Variants in PRKN observed in about 807,000 individuals in gnomAD.
PRKN encodes the protein E3 ubiquitin-protein ligase parkin.
PRKN carries 56 observed loss-of-function variants against 59.5 expected under a neutral mutation model. The observed-to-expected ratio is 0.94, with a 90% CI of 0.76 to 1.18. The LOEUF (loss-of-function observed/expected upper bound fraction) is 1.18, where lower values mean the gene tolerates loss of function less well. Ranked by LOEUF, PRKN falls within the 50% of genes most tolerant of loss-of-function variation. The pLI, the probability that PRKN is intolerant of heterozygous loss-of-function variation, is 0.00. For missense variants in PRKN, 657 were observed against 596.4 expected (o/e 1.10, Z -1.06); for synonymous variants, 250 against 222.1 (o/e 1.13, Z -1.12).
chr6:161,725,319 G>A (rs1409423727), intron 7 of PRKN, among the ~76,000 whole-genome samples: 2 of 152,166 alleles, frequency 1.3e-5, no homozygotes, highest in Non-Finnish European at 2.9e-5. Context: ...CCTCAGACCA[G>A]TTCACTAGAT....
At chr6:162,360,275 T>A (rs182838223) in intron 2 of PRKN, among the ~76,000 whole-genome samples, 1 of 152,200 alleles carries the variant, frequency 6.6e-6, no homozygotes, top group African/African-American at 2.4e-5. Flanking sequence ...TCCATGGCAC[T>A]CACTTTTTTG....
intron 4 of PRKN, among the ~76,000 whole-genome samples, chr6:162,192,309 G>A (rs1410113830): frequency 6.6e-6 from 1 of 152,028 alleles, no homozygotes; most frequent in South Asian, 2.1e-4. Flanking sequence ...CTGGCTTGGT[G>A]TACCTCATTG....
At chr6:161,820,899 T>C (rs1334355379) in intron 6 of PRKN, among the ~76,000 whole-genome samples, 1 of 151,898 alleles carries the variant, frequency 6.6e-6, no homozygotes, top group East Asian at 1.9e-4. Flanking sequence ...TAAACGCCTT[T>C]GGAAAATACC....
chr6:161,576,906 T>G lies in PRKN; in HGVS notation c.872-7490A>C, dbSNP rs1462810344. Reference sequence around the variant, plus strand: ...AAGTTGAGAAAAAAGTTGCAATCGTTTATGCACAATGCAATGTCATTTACA... The same window carrying G: ...AAGTTGAGAAAAAAGTTGCAATCGTGTATGCACAATGCAATGTCATTTACA... On this transcript the variant is annotated intron_variant, in intron 7 of 11. Transcript: ENST00000366898. This position sits in a 1 kb window ranked among gnomAD's most constrained non-coding sequence, Gnocchi z 4.6. 6.6e-6 allele frequency among the ~76,000 whole-genome samples: 1 copy of G among 152,192 alleles called. No individual in the cohort carries two copies.
intron 2 of PRKN, among the ~76,000 whole-genome samples, chr6:162,302,159 TC>T (rs1321323753): frequency 2.6e-5 from 4 of 152,146 alleles, no homozygotes; most frequent in East Asian, 1.9e-4. Flanking sequence ...CATTTTATCC[TC>T]CCCCTCTACC....
At position 162,537,599 on chromosome 6, in the gene PRKN, C is replaced by A. The variant is rs558773563; in HGVS notation, c.8-94126G>T. Among the ~76,000 whole-genome samples the A allele has an allele frequency of 1.7e-4, 26 of 152,294 alleles. No homozygotes were observed. In the South Asian group the frequency reaches 5.2e-3, roughly 30 times the overall value. ...AATCTGCCGGCAGGGATCTCCCTGTCTCTGTACTTCTGTCTCCATGTTCCC... is the reference window on the plus strand; with the variant it reads ...AATCTGCCGGCAGGGATCTCCCTGTATCTGTACTTCTGTCTCCATGTTCCC... On this transcript the variant is annotated intron_variant, in intron 1 of 11. Transcript: ENST00000366898.
At chr6:161,762,254 G>A (rs1228647001) in intron 7 of PRKN, among the ~76,000 whole-genome samples, 2 of 152,206 alleles carry the variant, frequency 1.3e-5, no homozygotes, top group Non-Finnish European at 2.9e-5. Context: ...AAGACAGTGA[G>A]CGAATGGACA....
In PRKN at chr6:162,723,277, A is replaced by C. The variant is rs112513969; in HGVS notation, c.7+4385T>G. Among the ~76,000 whole-genome samples the C allele has an allele frequency of 5.1e-3, 782 of 152,330 alleles. 7 individuals carry two copies. Among genetic ancestry groups the C allele is most frequent in the African/African-American group, 0.017 (714 of 41,582 alleles). On this transcript the variant is annotated intron_variant, in intron 1 of 11. Coordinates refer to ENST00000366898, the MANE Select transcript of PRKN (RefSeq NM_004562.3). The stretch of plus-strand genomic sequence containing the variant: ...ACTAACGCACTATAAGATGAGAATG[A>C]GAAGTTTTCTTCTAAATTAATTTGA...
intron 2 of PRKN, among the ~76,000 whole-genome samples, chr6:162,348,944 A>G (rs957664111): frequency 1.3e-5 from 2 of 152,226 alleles, no homozygotes; most frequent in African/African-American, 4.8e-5. Context: ...CAGATTGTGC[A>G]GATATTAAAA....
At chr6:162,727,344 T>TGA (rs1198506189) in intron 1 of PRKN, 13 of 293,894 alleles carry the variant, frequency 4.4e-5, no homozygotes, top group East Asian at 9.7e-5. Context: ...GGAGAAGGCT[T>TGA]CGGGACCCCA....
intron 2 of PRKN, among the ~76,000 whole-genome samples, chr6:162,396,064 T>C (rs1191501708): frequency 6.6e-6 from 1 of 152,196 alleles, no homozygotes; most frequent in Non-Finnish European, 1.5e-5. Context: ...AATCGAATCA[T>C]TTCTTGAAGC....
intron 7 of PRKN, among the ~76,000 whole-genome samples, chr6:161,571,121 T>C (rs558134298): frequency 2.6e-5 from 4 of 152,162 alleles, no homozygotes; most frequent in Admixed American, 2.6e-4. Context: ...TTTTCCTAAT[T>C]TTTTGTAGAG....
chr6:162,227,430 C>T (rs1778232439), intron 3 of PRKN, among the ~76,000 whole-genome samples: 1 of 151,922 alleles, frequency 6.6e-6, no homozygotes, highest in Non-Finnish European at 1.5e-5. Context: ...AACACAGTTC[C>T]TGAAAATCAT....
intron 2 of PRKN, among the ~76,000 whole-genome samples, chr6:162,427,769 C>G (rs1789310331): frequency 6.6e-6 from 1 of 151,944 alleles, no homozygotes; most frequent in Non-Finnish European, 1.5e-5. Context: ...CCTCAGCCTC[C>G]CGGGTAGCTG....
At chr6:162,329,958 CAACATCCGA>C (rs1783499651) in intron 2 of PRKN, among the ~76,000 whole-genome samples, 1 of 152,108 alleles carries the variant, frequency 6.6e-6, no homozygotes, top group African/African-American at 2.4e-5. Flanking sequence ...CACAGCAAGT[CAACATCCGA>C]TTTCTTCTTA....
rs1779956801 is a variant in PRKN, at chr6:161,550,361, A to G, written c.934-1358T>C. Among the ~76,000 whole-genome samples the G allele has an allele frequency of 6.6e-6, 1 of 152,148 alleles. No homozygotes were observed. Among genetic ancestry groups the G allele is most frequent in the Non-Finnish European group, 1.5e-5 (1 of 68,020 alleles). On this transcript the variant is annotated intron_variant, in intron 8 of 11. Transcript: ENST00000366898. The surrounding 1 kb of genome is among the most constrained non-coding windows in gnomAD (Gnocchi z 4.0). Reference sequence around the variant, plus strand: ...GAACTCTGAGGCTGAGGCATGACATAATTTGACTAATATTTTAAAGACATC... The same window carrying G: ...GAACTCTGAGGCTGAGGCATGACATGATTTGACTAATATTTTAAAGACATC...
chr6:161,684,247 A>C (rs1245558772), intron 7 of PRKN, among the ~76,000 whole-genome samples: 1 of 152,010 alleles, frequency 6.6e-6, no homozygotes, highest in Non-Finnish European at 1.5e-5. Flanking sequence ...GCTGTTAAAA[A>C]AATTTATTTA....
intron 1 of PRKN, among the ~76,000 whole-genome samples, chr6:162,516,139 C>G (rs1035325926): frequency 3.3e-5 from 5 of 152,148 alleles, no homozygotes; most frequent in Admixed American, 6.5e-5. Flanking sequence ...CTTCTCTGAT[C>G]CTTCCCTCCT....
At chr6:161,886,346 T>C (rs1795146719) in intron 6 of PRKN, among the ~76,000 whole-genome samples, 2 of 152,188 alleles carry the variant, frequency 1.3e-5, no homozygotes, top group African/African-American at 4.8e-5. Flanking sequence ...ATTGAAAACA[T>C]GAAAACAAAC....
Sources: allele counts gnomAD v4.1 joint callset (sites outside exome capture counted in the v4.1 genomes callset), GRCh38; gene constraint gnomAD v4.1.1; non-coding constraint Gnocchi (gnomAD v3.1); transcripts MANE v1.5; gene names NCBI Gene and HGNC (gene_info 2026-07-23, HGNC 2026-07-21).